The following MAP3K14 variants were observed in gnomAD, a reference collection of about 807,000 sequenced individuals.
MAP3K14 encodes the protein NF-kappa-beta-inducing kinase.
In MAP3K14, 16 loss-of-function variants were observed where a neutral mutation model predicts 99.2. The observed-to-expected ratio is 0.16, with a 90% CI of 0.11 to 0.24. MAP3K14 has a LOEUF of 0.24. Among genes scored for constraint, MAP3K14 ranks in the 10% least tolerant of loss-of-function variants. The probability of loss-of-function intolerance (pLI) is 1.00; values close to 1 mark genes in which losing one functional copy is unlikely to be tolerated. For missense variants in MAP3K14, 784 were observed against 1,208.7 expected, an observed-to-expected ratio of 0.65 and a Z score of 5.21; for synonymous variants, 462 against 492.4, an observed-to-expected ratio of 0.94 and a Z score of 0.82.
In MAP3K14 at chr17:45,267,218, A is replaced by G. The variant is rs1013829479; in HGVS notation, c.2327-20T>C. On this transcript the variant is annotated intron_variant, in intron 12 of 15. Coordinates refer to ENST00000344686, the MANE Select transcript of MAP3K14 (RefSeq NM_003954.5). This position sits in a 1 kb window ranked among gnomAD's most constrained non-coding sequence, Gnocchi z 5.1. Reference sequence around the variant, plus strand: ...ATAATTCTGCAGGGAAAAGTGGAAGATGGCTGTGAAAGACTGGGAGGAGGC... The same window carrying G: ...ATAATTCTGCAGGGAAAAGTGGAAGGTGGCTGTGAAAGACTGGGAGGAGGC... 2.6e-6 allele frequency: 4 copies of G among 1,536,708 alleles called. No homozygotes were observed. In the African/African-American group the frequency reaches 5.5e-5, roughly 21 times the overall value.
At chr17:45,293,056 C>G (rs750471155) in intron 1 of MAP3K14, among the ~76,000 whole-genome samples, 5 of 152,240 alleles carry the variant, frequency 3.3e-5, no homozygotes, top group Non-Finnish European at 1.5e-5. Context: ...GCCCTGCACA[C>G]AGTGCCTCCC....
intron 6 of MAP3K14, among the ~76,000 whole-genome samples, chr17:45,277,303 C>A (rs1007457417): frequency 2.0e-5 from 3 of 152,190 alleles, no homozygotes; most frequent in Admixed American, 6.5e-5. Context: ...TTCCTCCCCC[C>A]TCCCCGCTTA....
chr17:45,305,262 AATT>A (rs1939640821), intron 1 of MAP3K14, among the ~76,000 whole-genome samples: 1 of 151,598 alleles, frequency 6.6e-6, no homozygotes, highest in Non-Finnish European at 1.5e-5. Context: ...ACGCTCAGCT[AATT>A]TTTTGTATTT....
chr17:45,267,829 C>T lies in MAP3K14; in HGVS notation c.1973-70G>A, dbSNP rs949560421. The T allele has an allele frequency of 5.1e-6, 7 of 1,383,168 alleles. No homozygotes were observed. In the African/African-American group the frequency reaches 1.0e-4, roughly 20 times the overall value. 85.7% of individuals were successfully genotyped at this position (1,383,168 alleles called of 1,614,324 possible). A position where few individuals can be genotyped will look rare whatever the true frequency, so the allele number is the denominator to read the frequency against. On this transcript the variant is annotated intron_variant, in intron 11 of 15. Transcript: ENST00000344686. This position sits in a 1 kb window ranked among gnomAD's most constrained non-coding sequence, Gnocchi z 5.1. ...CAGACAGCGGTCCAGGCAGGAGCGGCCTCTCCTGAGTGCAGAAGGGCTAGA... is the reference window on the plus strand; with the variant it reads ...CAGACAGCGGTCCAGGCAGGAGCGGTCTCTCCTGAGTGCAGAAGGGCTAGA...
chr17:45,280,758 C>T (rs1165864499), intron 6 of MAP3K14, among the ~76,000 whole-genome samples: 2 of 151,888 alleles, frequency 1.3e-5, no homozygotes, highest in East Asian at 1.9e-4. Flanking sequence ...TACAGGCATG[C>T]GCTACCACAC....
chr17:45,277,566 C>T (rs892901856), intron 6 of MAP3K14, among the ~76,000 whole-genome samples: 4 of 152,180 alleles, frequency 2.6e-5, no homozygotes, highest in Admixed American at 6.5e-5. Context: ...GTTTCCAGCT[C>T]TAAAAAGCCT....
Position 45,274,076 on chromosome 17 carries a change from G to C in MAP3K14, c.1552+47C>G, listed in dbSNP as rs373397725. Reference sequence around the variant, plus strand: ...GAGAGGAGATCAGACAGGATGGTGTGAGAGAAGAGCCTGCTGGGGATCAGG... The same window carrying C: ...GAGAGGAGATCAGACAGGATGGTGTCAGAGAAGAGCCTGCTGGGGATCAGG... On this transcript the variant is annotated intron_variant, in intron 8 of 15. Transcript: ENST00000344686. The C allele has an allele frequency of 5.6e-6, 9 of 1,593,974 alleles. No homozygotes were observed. In the African/African-American group the frequency reaches 8.0e-5, roughly 14 times the overall value.
intron 3 of MAP3K14, among the ~76,000 whole-genome samples, chr17:45,288,692 A>C (rs1039039260): frequency 1.3e-5 from 2 of 152,128 alleles, no homozygotes; most frequent in African/African-American, 4.8e-5. Context: ...CTCTTGTTTC[A>C]AAAAATCATC....
rs34836788 is a variant in MAP3K14, at chr17:45,266,691, C to T, written c.2434-10G>A. ...AGGCCTTTGATGGGTTCTGAAACAACAGGATTGGGTACGGGCTCAGGGCCC... is the reference window on the plus strand; with the variant it reads ...AGGCCTTTGATGGGTTCTGAAACAATAGGATTGGGTACGGGCTCAGGGCCC... On this transcript the variant is annotated splice_polypyrimidine_tract_variant and intron_variant, in intron 13 of 15. Coordinates refer to ENST00000344686, the MANE Select transcript of MAP3K14 (RefSeq NM_003954.5). 1,197 of 1,604,980 alleles carry T rather than the reference C, an allele frequency of 7.5e-4. 9 individuals carry two copies. In the African/African-American group the frequency reaches 0.013, roughly 17 times the overall value.
chr17:45,285,733 A>G (rs1362415925), intron 5 of MAP3K14, among the ~76,000 whole-genome samples: 1 of 152,130 alleles, frequency 6.6e-6, no homozygotes, highest in Non-Finnish European at 1.5e-5. Flanking sequence ...ATGTGTGAGG[A>G]TTGCTTTAGC....
At chr17:45,282,719 A>G (rs2044233048) in intron 6 of MAP3K14, among the ~76,000 whole-genome samples, 1 of 152,114 alleles carries the variant, frequency 6.6e-6, no homozygotes, top group South Asian at 2.1e-4. Context: ...ATTCTCCCCA[A>G]GGAGCATCAG....
chr17:45,285,786 T>C (rs747989512), intron 5 of MAP3K14, among the ~76,000 whole-genome samples: 7 of 151,674 alleles, frequency 4.6e-5, no homozygotes, highest in South Asian at 2.1e-4. Context: ...CAAGACCTCA[T>C]CTCTATTAAA....
Position 45,264,676 on chromosome 17 carries a change from C to T in MAP3K14, c.2804G>A (p.Ser935Asn), listed in dbSNP as rs1174211978. ...TLAPDGSFAW[S>N]WRVKHGQLEN... ...CAGCTGGCCATGCTTGACCCTCCAG[C>T]TCCAGGCGAAGCTGCCATCAGGGGC... Residue 935 changes from serine (S) to asparagine (N), a missense_variant, in exon 16 of 16, where the codon AGC becomes AAC. Ser to Asn is a conservative substitution (Grantham distance 46, BLOSUM62 1). This residue lies in a region of MAP3K14 where 130 missense variants were observed against 220.4 expected (regional missense o/e 0.59). Coordinates refer to ENST00000344686, the MANE Select transcript of MAP3K14 (RefSeq NM_003954.5). 1.3e-6 allele frequency: 2 copies of T among 1,598,406 alleles called. No individual in the cohort carries two copies. Among genetic ancestry groups the T allele is most frequent in the Non-Finnish European group, 1.7e-6 (2 of 1,173,014 alleles).
intron 15 of MAP3K14, 67 bp from the exon 16 acceptor site, chr17:45,264,867 G>A: frequency 1.3e-6 from 2 of 1,530,320 alleles, no homozygotes; most frequent in African/African-American, 1.4e-5. Flanking sequence ...GAAAGGTAAA[G>A]ACATCTCCTT....
intron 11 of MAP3K14, chr17:45,268,062 CAAGA>C (rs750757252): frequency 2.5e-5 from 8 of 315,930 alleles, no homozygotes; most frequent in Non-Finnish European, 4.6e-5. Flanking sequence ...ACTTTGTTAA[CAAGA>C]AAGAGAAGAT....
rs773580356 is a variant in MAP3K14, at chr17:45,264,258, G to A, written c.*378C>T. The A allele has an allele frequency of 5.5e-6, 1 of 182,270 alleles. No individual in the cohort carries two copies. The highest frequency in any genetic ancestry group is 1.1e-5 in the Non-Finnish European group (1 of 87,514). 11.3% of individuals were successfully genotyped at this position (182,270 alleles called of 1,614,324 possible). ...TGGAGGGTGAGGGGCCGAGGGGCTCGCCCACCCCTTCTGACCCAGGCTGGA... is the reference window on the plus strand; with the variant it reads ...TGGAGGGTGAGGGGCCGAGGGGCTCACCCACCCCTTCTGACCCAGGCTGGA... On this transcript the variant is annotated 3_prime_UTR_variant, in exon 16 of 16. Transcript: ENST00000344686.
At chr17:45,273,685 G>T in intron 8 of MAP3K14, 78 bp from the exon 9 acceptor site, 1 of 1,053,666 alleles carries the variant, frequency 9.5e-7, no homozygotes, top group Non-Finnish European at 1.4e-6. Context: ...GGTTTGGCCT[G>T]CCCTCCAGTG....
intron 1 of MAP3K14, among the ~76,000 whole-genome samples, chr17:45,315,403 C>T (rs1324392958): frequency 2.0e-5 from 3 of 152,168 alleles, no homozygotes; most frequent in African/African-American, 7.2e-5. Context: ...GGGTACTTAT[C>T]TCTAAAATTA....
chr17:45,285,476 A>G (rs983883019), intron 5 of MAP3K14, among the ~76,000 whole-genome samples: 1 of 151,982 alleles, frequency 6.6e-6, no homozygotes. Flanking sequence ...AAAACACAAA[A>G]TTAGCCAGGC....
Sources: gnomAD v4.1 joint callset for allele counts (sites outside exome capture counted in the v4.1 genomes callset) on GRCh38, gnomAD v4.1.1 for gene constraint, gnomAD v4.1.1 regional missense constraint, Gnocchi (gnomAD v3.1) non-coding constraint, MANE v1.5 for transcripts, NCBI Gene and HGNC (gene_info 2026-07-23, HGNC 2026-07-21) for gene names.